DPYD: variants seen among roughly 807,000 people sequenced by gnomAD.
DPYD encodes the protein dihydropyrimidine dehydrogenase [NADP(+)].
In DPYD, 109 loss-of-function variants were observed where a neutral mutation model predicts 116.2. That is an observed-to-expected ratio of 0.94 (90% CI 0.80 to 1.10). DPYD has a LOEUF of 1.10. Among genes scored for constraint, DPYD ranks in the 50% least tolerant of loss-of-function variants. The probability of loss-of-function intolerance (pLI) is 0.00; values close to 1 mark genes in which losing one functional copy is unlikely to be tolerated. For missense variants in DPYD, 1,302 were observed against 1,254.5 expected (o/e 1.04, Z -0.57); for synonymous variants, 440 against 432.0 (o/e 1.02, Z -0.23).
intron 12 of DPYD, among the ~76,000 whole-genome samples, chr1:97,547,306 T>A (rs1650972099): frequency 6.6e-6 from 1 of 152,144 alleles, no homozygotes; most frequent in African/African-American, 2.4e-5. Context: ...GGGCAGGAAA[T>A]GCAGAAGGAG....
chr1:97,542,530 T>A (rs912205082), intron 12 of DPYD, among the ~76,000 whole-genome samples: 1 of 152,214 alleles, frequency 6.6e-6, no homozygotes, highest in Non-Finnish European at 1.5e-5. Flanking sequence ...TTATTCTTTT[T>A]AAATTTTGTT....
chr1:97,270,950 G>A (rs1302056342), intron 18 of DPYD, among the ~76,000 whole-genome samples: 1 of 152,192 alleles, frequency 6.6e-6, no homozygotes, highest in East Asian at 1.9e-4. Flanking sequence ...GGACATTTCT[G>A]TGCTGAAAGA....
At position 97,920,706 on chromosome 1, in the gene DPYD, G is replaced by A. The variant is rs543375305; in HGVS notation, c.39+178C>T. Among the ~76,000 whole-genome samples the A allele has an allele frequency of 2.8e-4, 43 of 152,308 alleles. 1 individual carries two copies. Among genetic ancestry groups the A allele is most frequent in the Middle Eastern group, 6.8e-3 (2 of 294 alleles). On this transcript the variant is annotated intron_variant, in intron 1 of 22. Coordinates refer to ENST00000370192, the MANE Select transcript of DPYD (RefSeq NM_000110.4). ...AAGTCCTCCCCTGAGCTCCCCGCCT[G>A]CCCACGCGGGCCTGTGGCTCCGCGC...
At chr1:97,761,413 A>G (rs1665569279) in intron 3 of DPYD, among the ~76,000 whole-genome samples, 1 of 152,172 alleles carries the variant, frequency 6.6e-6, no homozygotes, top group African/African-American at 2.4e-5. Flanking sequence ...AATATATGAA[A>G]CAAAATGAGC....
chr1:97,687,506 A>G (rs1000097889), intron 7 of DPYD, among the ~76,000 whole-genome samples: 3 of 152,194 alleles, frequency 2.0e-5, no homozygotes, highest in Admixed American at 6.5e-5. Flanking sequence ...GTGGAGAAAT[A>G]TAAATGCTTT....
intron 12 of DPYD, chr1:97,546,298 C>T: frequency 1.4e-6 from 2 of 1,433,302 alleles, no homozygotes; most frequent in South Asian, 1.2e-5. Flanking sequence ...TGCACCTGTG[C>T]TATTACCACA....
chr1:97,315,742 C>G (rs921600060), intron 16 of DPYD, among the ~76,000 whole-genome samples: 1 of 151,996 alleles, frequency 6.6e-6, no homozygotes, highest in African/African-American at 2.4e-5. Context: ...TAGTTCTACC[C>G]TTGGCTTGAC....
At chr1:97,800,896 T>A (rs780264901) in intron 3 of DPYD, among the ~76,000 whole-genome samples, 5 of 152,094 alleles carry the variant, frequency 3.3e-5, no homozygotes, top group Admixed American at 2.0e-4. Flanking sequence ...ATTGTTCCAA[T>A]CTGATAACAT....
intron 3 of DPYD, among the ~76,000 whole-genome samples, chr1:97,758,854 G>A (rs1665409885): frequency 6.6e-6 from 1 of 152,136 alleles, no homozygotes; most frequent in Non-Finnish European, 1.5e-5. Flanking sequence ...ATAACCAAAA[G>A]ATCTGGTCTG....
intron 11 of DPYD, among the ~76,000 whole-genome samples, chr1:97,559,199 G>T (rs1023687752): frequency 1.3e-5 from 2 of 151,994 alleles, no homozygotes; most frequent in African/African-American, 2.4e-5. Context: ...GCTCAATTAT[G>T]TCATCAAATG....
In DPYD at chr1:97,179,544, C is replaced by T. The variant is rs56883628; in HGVS notation, c.2622+13525G>A. On this transcript the variant is annotated intron_variant, in intron 20 of 22. Coordinates refer to ENST00000370192, the MANE Select transcript of DPYD (RefSeq NM_000110.4). ...GCTTTAAAGATGTATGGCAACAAAT[C>T]TTCAAAAGGCATGGTCTTGACAGTG... Among the ~76,000 whole-genome samples, 132 of 152,238 alleles carry T rather than the reference C, an allele frequency of 8.7e-4. No individual in the cohort carries two copies. In the East Asian group the frequency reaches 0.024, roughly 28 times the overall value.
intron 14 of DPYD, chr1:97,420,255 G>A (rs1674509844): frequency 1.3e-5 from 2 of 152,352 alleles, no homozygotes; most frequent in South Asian, 4.1e-4. Context: ...ACTGAAGTAG[G>A]TCCGTCTTCC....
chr1:97,431,784 T>C (rs962163710), intron 14 of DPYD, among the ~76,000 whole-genome samples: 2 of 152,130 alleles, frequency 1.3e-5, no homozygotes, highest in Non-Finnish European at 2.9e-5. Context: ...ATTATATTAC[T>C]GAACACTAGT....
At chr1:97,835,513 T>G (rs1571439851) in intron 2 of DPYD, among the ~76,000 whole-genome samples, 1 of 152,136 alleles carries the variant, frequency 6.6e-6, no homozygotes, top group African/African-American at 2.4e-5. Flanking sequence ...AATATTTTAG[T>G]ACTTTTTTGA....
chr1:97,256,725 C>T (rs1012030489), intron 18 of DPYD, among the ~76,000 whole-genome samples: 8 of 152,032 alleles, frequency 5.3e-5, no homozygotes, highest in African/African-American at 1.7e-4. Context: ...TCTAACATCT[C>T]TTCTTTCCTT....
intron 18 of DPYD, among the ~76,000 whole-genome samples, chr1:97,303,475 A>G (rs1308690637): frequency 6.6e-6 from 1 of 152,010 alleles, no homozygotes; most frequent in Non-Finnish European, 1.5e-5. Flanking sequence ...ATTTGAAACC[A>G]TTATTATTTA....
intron 16 of DPYD, among the ~76,000 whole-genome samples, chr1:97,326,927 G>C (rs77085839): frequency 0.034 from 5,242 of 151,962 alleles, 131 homozygotes; most frequent in Middle Eastern, 0.099. Context: ...TGATGAAAGA[G>C]ATCATCTGTT....
At chr1:97,692,593 T>C (rs1273840293) in intron 6 of DPYD, among the ~76,000 whole-genome samples, 1 of 152,204 alleles carries the variant, frequency 6.6e-6, no homozygotes, top group Non-Finnish European at 1.5e-5. Flanking sequence ...TTCATTCACC[T>C]ACTCATTAAA....
intron 8 of DPYD, among the ~76,000 whole-genome samples, chr1:97,654,992 G>A (rs1658821003): frequency 6.6e-6 from 1 of 152,078 alleles, no homozygotes; most frequent in Non-Finnish European, 1.5e-5. Flanking sequence ...ATAACCACAA[G>A]AACAGTATGG....
Sources: allele counts gnomAD v4.1 joint callset (sites outside exome capture counted in the v4.1 genomes callset), GRCh38; gene constraint gnomAD v4.1.1; transcripts MANE v1.5; gene names NCBI Gene and HGNC (gene_info 2026-07-23, HGNC 2026-07-21).